Variants in PTCHD4 observed in about 807,000 individuals in gnomAD.
PTCHD4 encodes patched domain containing 4.
A neutral mutation model predicts 58.1 loss-of-function variants in PTCHD4; 33 were observed. That is an observed-to-expected ratio of 0.57 (90% CI 0.43 to 0.76). PTCHD4 has a LOEUF of 0.76. Among genes scored for constraint, PTCHD4 ranks in the 30% least tolerant of loss-of-function variants. PTCHD4 has a pLI of 0.00. For missense variants in PTCHD4, 1,058 were observed against 1,027.1 expected (o/e 1.03, Z -0.41); for synonymous variants, 478 against 409.6 (o/e 1.17, Z -2.02).
At chr6:48,049,451 G>A (rs894696083) in intron 3 of PTCHD4, among the ~76,000 whole-genome samples, 1 of 151,898 alleles carries the variant, frequency 6.6e-6, no homozygotes, top group African/African-American at 2.4e-5. Context: ...CTAAAATAAT[G>A]CACTCATGTG....
intron 4 of PTCHD4, among the ~76,000 whole-genome samples, chr6:47,895,199 A>G (rs1490552372): frequency 9.9e-5 from 15 of 152,192 alleles, no homozygotes; most frequent in East Asian, 9.6e-4. Flanking sequence ...GACAGCTAAG[A>G]TGATAAAATA....
At chr6:47,997,938 A>G (rs932612698) in intron 4 of PTCHD4, among the ~76,000 whole-genome samples, 5 of 152,156 alleles carry the variant, frequency 3.3e-5, no homozygotes. Flanking sequence ...AAGATAATTG[A>G]ATCTAGGAAG....
chr6:47,906,030 C>G (rs1764873038), intron 4 of PTCHD4, among the ~76,000 whole-genome samples: 1 of 152,200 alleles, frequency 6.6e-6, no homozygotes, highest in Non-Finnish European at 1.5e-5. Context: ...CCTGGCTTCA[C>G]AGTGTAAAAA....
chr6:48,090,050 G>A (rs867215314), intron 1 of PTCHD4, among the ~76,000 whole-genome samples: 14 of 152,088 alleles, frequency 9.2e-5, no homozygotes, highest in African/African-American at 3.1e-4. Context: ...ATCACTAGAT[G>A]TAGACTATGC....
intron 4 of PTCHD4, among the ~76,000 whole-genome samples, chr6:47,993,765 G>C (rs1475188586): frequency 6.6e-6 from 1 of 152,158 alleles, no homozygotes; most frequent in Non-Finnish European, 1.5e-5. Flanking sequence ...TGGGGGTACT[G>C]TTTCATATCT....
At chr6:47,927,211 C>T (rs1272569657) in intron 4 of PTCHD4, among the ~76,000 whole-genome samples, 2 of 151,664 alleles carry the variant, frequency 1.3e-5, no homozygotes, top group Admixed American at 6.6e-5. Context: ...CTACCTCATA[C>T]TTGCTCTATT....
intron 1 of PTCHD4, among the ~76,000 whole-genome samples, chr6:48,070,500 G>A (rs1764957657): frequency 6.6e-6 from 1 of 152,172 alleles, no homozygotes; most frequent in African/African-American, 2.4e-5. Context: ...AGAAGAAGGT[G>A]TCATATATAA....
At chr6:47,950,919 A>C (rs1261410310) in intron 4 of PTCHD4, among the ~76,000 whole-genome samples, 1 of 152,184 alleles carries the variant, frequency 6.6e-6, no homozygotes, top group Admixed American at 6.5e-5. Context: ...TAAGAATGGA[A>C]TAGTCAATGT....
In PTCHD4 at chr6:47,946,924, A is replaced by G. The variant is rs572063863; in HGVS notation, c.898+61710T>C. On this transcript the variant is annotated intron_variant, in intron 4 of 4. Transcript: ENST00000339488. ...AGTGCCATGATCATAGCTCTTTGCA[A>G]CCTTGACCTCCTGGGTTCAAGAAAT... 3.9e-5 allele frequency among the ~76,000 whole-genome samples: 6 copies of G among 152,092 alleles called. No individual in the cohort carries two copies. The South Asian group carries it at 1.2e-3, about 32-fold the overall frequency.
intron 4 of PTCHD4, among the ~76,000 whole-genome samples, chr6:47,918,998 C>A (rs947649395): frequency 6.6e-6 from 1 of 152,038 alleles, no homozygotes; most frequent in Non-Finnish European, 1.5e-5. Flanking sequence ...AGACCGAACC[C>A]GTAGTGATAG....
chr6:47,969,282 A>ATG (rs1767413083), intron 4 of PTCHD4, among the ~76,000 whole-genome samples: 2 of 152,248 alleles, frequency 1.3e-5, no homozygotes, highest in Admixed American at 1.3e-4. Context: ...TACTCCTACT[A>ATG]GTCACCTGCT....
chr6:47,881,932 C>T (rs1004406193), intron 4 of PTCHD4, among the ~76,000 whole-genome samples: 3 of 151,990 alleles, frequency 2.0e-5, no homozygotes, highest in Non-Finnish European at 4.4e-5. Flanking sequence ...GGAAAAGGCA[C>T]GTTTTTTTCA....
chr6:47,870,651 T>C lies in PTCHD4; in HGVS notation c.*7652A>G, dbSNP rs1763692293. On this transcript the variant is annotated 3_prime_UTR_variant, in exon 5 of 5. Coordinates refer to ENST00000339488, the MANE Select transcript of PTCHD4 (RefSeq NM_001384253.1). ...AAAAATAGGTACTTTTAGAATATTT[T>C]CTTCTTTGTGAGATCTAAAATGGCT... Among the ~76,000 whole-genome samples the C allele has an allele frequency of 6.6e-6, 1 of 151,666 alleles. No individual in the cohort carries two copies. The highest frequency in any genetic ancestry group is 1.5e-5 in the Non-Finnish European group (1 of 67,716).
chr6:48,022,357 G>A (rs1347370232), intron 3 of PTCHD4, among the ~76,000 whole-genome samples: 1 of 151,708 alleles, frequency 6.6e-6, no homozygotes, highest in African/African-American at 2.4e-5. Flanking sequence ...TACAACACTT[G>A]CTTAAGTCCA....
At chr6:48,021,725 T>A (rs960538683) in intron 3 of PTCHD4, among the ~76,000 whole-genome samples, 1 of 152,192 alleles carries the variant, frequency 6.6e-6, no homozygotes, top group Non-Finnish European at 1.5e-5. Flanking sequence ...GAAACAGTAC[T>A]GTCATTTATG....
chr6:47,921,960 AG>A (rs1223153357), intron 4 of PTCHD4, among the ~76,000 whole-genome samples: 3 of 112,220 alleles, frequency 2.7e-5, no homozygotes, highest in African/African-American at 6.2e-5. Flanking sequence ...AAAAAAAAAA[AG>A]AAAAGAAAAG....
intron 3 of PTCHD4, among the ~76,000 whole-genome samples, chr6:48,020,463 A>G (rs1371000832): frequency 6.6e-6 from 1 of 151,972 alleles, no homozygotes; most frequent in Non-Finnish European, 1.5e-5. Flanking sequence ...ATCAATTAAA[A>G]CAAATATTAG....
intron 1 of PTCHD4, among the ~76,000 whole-genome samples, chr6:48,087,807 C>T (rs1260372286): frequency 1.3e-5 from 2 of 152,124 alleles, no homozygotes; most frequent in East Asian, 3.9e-4. Flanking sequence ...TCCTTCAGCT[C>T]TCAGTTTTGA....
rs539696079 is a variant in PTCHD4, at chr6:47,862,883, G to A, written c.*15420C>T. 6.6e-6 allele frequency among the ~76,000 whole-genome samples: 1 copy of A among 151,914 alleles called. No individual in the cohort carries two copies. The highest frequency in any genetic ancestry group is 1.5e-5 in the Non-Finnish European group (1 of 67,836). On this transcript the variant is annotated 3_prime_UTR_variant, in exon 5 of 5. Coordinates refer to ENST00000339488, the MANE Select transcript of PTCHD4 (RefSeq NM_001384253.1). ...TCCTGGAACACTAGTTCTTTAAGAT[G>A]CTCCATGAACATAATGACCCATGGT...
Sources: gnomAD v4.1 joint callset for allele counts (sites outside exome capture counted in the v4.1 genomes callset) on GRCh38, gnomAD v4.1.1 for gene constraint, MANE v1.5 for transcripts, NCBI Gene and HGNC (gene_info 2026-07-23, HGNC 2026-07-21) for gene names.